Variants in SMAD6 observed in about 807,000 individuals in gnomAD.
SMAD6 encodes the protein SMAD family member 6, also known as MAD homolog 6.
A neutral mutation model predicts 39.4 loss-of-function variants in SMAD6; 103 were observed. That is an observed-to-expected ratio of 2.62 (90% CI 2.23 to 3.08). The LOEUF (loss-of-function observed/expected upper bound fraction) is 3.08, where lower values mean the gene tolerates loss of function less well. Among genes scored for constraint, SMAD6 ranks in the 30% most tolerant of loss-of-function variants. The pLI is 0.00. For synonymous variants in SMAD6, 445 were observed against 353.3 expected (o/e 1.26, Z -2.91); for missense variants, 1,104 against 742.9 (o/e 1.49, Z -5.65).
intron 3 of SMAD6, among the ~76,000 whole-genome samples, chr15:66,761,064 T>G (rs1363811790): frequency 6.6e-6 from 1 of 152,186 alleles, no homozygotes; most frequent in Non-Finnish European, 1.5e-5. Context: ...GGAGAAACAC[T>G]GCCTCTTTAA....
In SMAD6 at chr15:66,703,869, G is replaced by GCTGCGTGCTGGTGCCGCGCGC; in HGVS notation, c.613_633dup (p.Cys205_Ala211dup). ...GAGTCCCGCGGCGGCGTGCCGGGCG[G>GCTGCGTGCTGGTGCCGCGCGC]CTGCGTGCTGGTGCCGCGCGCCGAC... is the stretch of plus-strand genomic sequence containing the variant. On this transcript the variant is annotated inframe_insertion, in exon 1 of 4. Coordinates refer to ENST00000288840, the MANE Select transcript of SMAD6 (RefSeq NM_005585.5). The GCTGCGTGCTGGTGCCGCGCGC allele has an allele frequency of 7.5e-7, 1 of 1,337,374 alleles. No homozygotes were observed. Among genetic ancestry groups the GCTGCGTGCTGGTGCCGCGCGC allele is most frequent in the Non-Finnish European group, 9.6e-7 (1 of 1,036,638 alleles). The allele number at this position is 1,337,374 out of a possible 1,614,324, so 82.8% of individuals were successfully genotyped here. A position where few individuals can be genotyped will look rare whatever the true frequency, so the allele number is the denominator to read the frequency against.
At chr15:66,754,984 A>G (rs1484173751) in intron 3 of SMAD6, among the ~76,000 whole-genome samples, 3 of 152,098 alleles carry the variant, frequency 2.0e-5, no homozygotes, top group African/African-American at 7.2e-5. Context: ...CCCCTCCTCT[A>G]CTGCTTATTT....
chr15:66,776,254 G>A (rs1894466393), intron 3 of SMAD6, among the ~76,000 whole-genome samples: 1 of 152,150 alleles, frequency 6.6e-6, no homozygotes, highest in African/African-American at 2.4e-5. Flanking sequence ...AGTGACCCTG[G>A]GCCATGACCC....
At chr15:66,729,147 C>A (rs985201254) in intron 3 of SMAD6, among the ~76,000 whole-genome samples, 3 of 152,148 alleles carry the variant, frequency 2.0e-5, no homozygotes, top group Non-Finnish European at 2.9e-5. Flanking sequence ...AGGATCTCCC[C>A]TCTCTGCGTC....
chr15:66,757,318 C>A (rs1017045684), intron 3 of SMAD6, among the ~76,000 whole-genome samples: 2 of 152,204 alleles, frequency 1.3e-5, no homozygotes, highest in African/African-American at 4.8e-5. Context: ...TAGGGGGTGT[C>A]AGACATAGCA....
chr15:66,704,201 G>T (rs1332036047), intron 1 of SMAD6, 126 bp downstream of exon 1: 3 of 703,920 alleles, frequency 4.3e-6, no homozygotes, highest in Non-Finnish European at 6.1e-6. Context: ...TTGGAGCGTG[G>T]GAGCCACCAG....
At chr15:66,716,614 C>T in intron 3 of SMAD6, 116 bp downstream of exon 3, 1 of 807,378 alleles carries the variant, frequency 1.2e-6, no homozygotes, top group Non-Finnish European at 2.1e-6. Flanking sequence ...TTTCCCTTTT[C>T]CTCCAATCCT....
chr15:66,713,189 G>T (rs550399179), intron 2 of SMAD6, among the ~76,000 whole-genome samples: 4 of 152,170 alleles, frequency 2.6e-5, no homozygotes, highest in Non-Finnish European at 5.9e-5. Context: ...TGGGACTCAA[G>T]CTTTAAAAGT....
chr15:66,716,396 G>A (rs920985778), intron 2 of SMAD6, 25 bp from the exon 3 acceptor site: 4 of 1,579,170 alleles, frequency 2.5e-6, no homozygotes, highest in Non-Finnish European at 3.5e-6. Flanking sequence ...GGCCAACTAA[G>A]TTCTCTTTTT....
At chr15:66,766,527 C>T (rs1894292072) in intron 3 of SMAD6, among the ~76,000 whole-genome samples, 1 of 152,160 alleles carries the variant, frequency 6.6e-6, no homozygotes, top group African/African-American at 2.4e-5. Flanking sequence ...GATACGTGGA[C>T]ATAGATGCTC....
chr15:66,737,332 C>T (rs1893729962), intron 3 of SMAD6, among the ~76,000 whole-genome samples: 1 of 152,242 alleles, frequency 6.6e-6, no homozygotes, highest in South Asian at 2.1e-4. Context: ...TATCACCTCT[C>T]TCTGGAGCCT....
intron 3 of SMAD6, among the ~76,000 whole-genome samples, chr15:66,759,795 G>A (rs960129949): frequency 2.0e-5 from 3 of 152,106 alleles, no homozygotes; most frequent in African/African-American, 4.8e-5. Flanking sequence ...TTCACTTGTC[G>A]GCACCAGGTT....
At chr15:66,709,873 C>T (rs1280445308) in intron 1 of SMAD6, among the ~76,000 whole-genome samples, 1 of 152,210 alleles carries the variant, frequency 6.6e-6, no homozygotes, top group African/African-American at 2.4e-5. Flanking sequence ...GGTCCTCACT[C>T]AAGGCTGGCC....
rs114293733 is a variant in SMAD6, at chr15:66,749,790, C to T, written c.953-31207C>T. Among the ~76,000 whole-genome samples the T allele has an allele frequency of 5.9e-3, 893 of 152,188 alleles. 8 individuals carry two copies. Among genetic ancestry groups the T allele is most frequent in the African/African-American group, 0.02 (827 of 41,492 alleles). On this transcript the variant is annotated intron_variant, in intron 3 of 3. Transcript: ENST00000288840. ...TCCAGGGACTCTGTGATTCTAATCTCGGCTGATACCTACCCAAGGAGGACT... is the reference window on the plus strand; with the variant it reads ...TCCAGGGACTCTGTGATTCTAATCTTGGCTGATACCTACCCAAGGAGGACT...
chr15:66,716,363 G>GA (rs1238632356), intron 2 of SMAD6, 58 bp from the exon 3 acceptor site: 15 of 1,254,870 alleles, frequency 1.2e-5, no homozygotes, highest in East Asian at 6.9e-5. Context: ...TGAGAAAGAA[G>GA]AAAAAAGAGA....
At chr15:66,745,261 G>A (rs774336049) in intron 3 of SMAD6, among the ~76,000 whole-genome samples, 1 of 152,078 alleles carries the variant, frequency 6.6e-6, no homozygotes, top group Non-Finnish European at 1.5e-5. Context: ...TTTAAAATCC[G>A]GAGTTCTAGC....
At chr15:66,720,734 G>C (rs114287853) in intron 3 of SMAD6, among the ~76,000 whole-genome samples, 84 of 152,358 alleles carry the variant, frequency 5.5e-4, no homozygotes, top group African/African-American at 2.0e-3. Context: ...GTCTAGCACG[G>C]GGAAGGGGAT....
chr15:66,725,379 A>AGG (rs764971739), intron 3 of SMAD6, among the ~76,000 whole-genome samples: 3 of 152,198 alleles, frequency 2.0e-5, no homozygotes, highest in Non-Finnish European at 2.9e-5. Context: ...GGCCCCAGGG[A>AGG]GGGACCCTAC....
intron 3 of SMAD6, among the ~76,000 whole-genome samples, chr15:66,746,099 G>A (rs543673367): frequency 6.6e-6 from 1 of 152,212 alleles, no homozygotes; most frequent in African/African-American, 2.4e-5. Flanking sequence ...GATGGAGCAG[G>A]CTGGCACTGG....
Sources: allele counts gnomAD v4.1 joint callset (sites outside exome capture counted in the v4.1 genomes callset), GRCh38; gene constraint gnomAD v4.1.1; transcripts MANE v1.5; gene names NCBI Gene and HGNC (gene_info 2026-07-23, HGNC 2026-07-21).